TGFBR3: variants seen among roughly 807,000 people sequenced by gnomAD.
The protein encoded by TGFBR3 is transforming growth factor beta receptor type 3.
A neutral mutation model predicts 87.9 loss-of-function variants in TGFBR3; 46 were observed. That is an observed-to-expected ratio of 0.52 (90% CI 0.41 to 0.67). TGFBR3 has a LOEUF of 0.67. TGFBR3 is among the 30% of genes least tolerant of loss of function. The pLI, the probability that TGFBR3 is intolerant of heterozygous loss-of-function variation, is 0.00. For missense variants in TGFBR3, 866 were observed against 1,041.9 expected, an observed-to-expected ratio of 0.83 and a Z score of 2.32; for synonymous variants, 381 against 391.6, an observed-to-expected ratio of 0.97 and a Z score of 0.32.
intron 2 of TGFBR3, among the ~76,000 whole-genome samples, chr1:91,854,553 A>G (rs1677866040): frequency 6.6e-6 from 1 of 152,188 alleles, no homozygotes; most frequent in Non-Finnish European, 1.5e-5. Context: ...AAATGTGAAA[A>G]AAAATAATAT....
chr1:91,794,673 A>C (rs917307661), intron 3 of TGFBR3, among the ~76,000 whole-genome samples: 1 of 151,944 alleles, frequency 6.6e-6, no homozygotes, highest in Non-Finnish European at 1.5e-5. Context: ...GTCTTTTTTC[A>C]TTTAGTGGAT....
intron 1 of TGFBR3, among the ~76,000 whole-genome samples, chr1:91,903,338 C>CAAAAAAA (rs58672104): frequency 0.11 from 5,533 of 50,432 alleles, 1,193 homozygotes; most frequent in Non-Finnish European, 0.15. Flanking sequence ...GATTCTGCCT[C>CAAAAAAA]AAAAAAAAAA....
At chr1:91,863,837 T>C (rs1041483556) in intron 1 of TGFBR3, 1 of 152,232 alleles carries the variant, frequency 6.6e-6, no homozygotes, top group Admixed American at 6.5e-5. Context: ...ATTATCCCTC[T>C]AAGTCGAACA....
chr1:91,773,692 A>G (rs900425092), intron 3 of TGFBR3, among the ~76,000 whole-genome samples: 2 of 152,240 alleles, frequency 1.3e-5, no homozygotes, highest in Non-Finnish European at 2.9e-5. Flanking sequence ...AAAAAACAAA[A>G]GATCTCTAGA....
At chr1:91,883,919 G>T (rs1679193367) in intron 1 of TGFBR3, among the ~76,000 whole-genome samples, 1 of 152,082 alleles carries the variant, frequency 6.6e-6, no homozygotes, top group South Asian at 2.1e-4. Flanking sequence ...CCCTTAAGGG[G>T]GTAAGAATTA....
chr1:91,861,896 G>A (rs967965643), intron 1 of TGFBR3: 25 of 291,830 alleles, frequency 8.6e-5, no homozygotes, highest in African/African-American at 2.6e-4. Flanking sequence ...TCTCTCTGTC[G>A]CCAAGCTGGA....
intron 1 of TGFBR3, among the ~76,000 whole-genome samples, chr1:91,873,529 G>A (rs1337264400): frequency 1.3e-5 from 2 of 151,654 alleles, no homozygotes; most frequent in African/African-American, 2.4e-5. Context: ...TCAAGTGACA[G>A]GAGTCCTCGA....
chr1:91,819,677 C>T (rs961560509), intron 2 of TGFBR3, among the ~76,000 whole-genome samples: 1 of 152,168 alleles, frequency 6.6e-6, no homozygotes, highest in African/African-American at 2.4e-5. Flanking sequence ...AGCATAGCCA[C>T]TATCCTGAAG....
At chr1:91,898,427 T>C (rs1407766687) in intron 2 of TGFBR3, among the ~76,000 whole-genome samples, 2 of 151,872 alleles carry the variant, frequency 1.3e-5, no homozygotes, top group Non-Finnish European at 2.9e-5. Flanking sequence ...TTCAACAGTA[T>C]GTTTTTTTTG....
At chr1:91,892,096 A>G (rs1679463403) in intron 2 of TGFBR3, among the ~76,000 whole-genome samples, 1 of 152,226 alleles carries the variant, frequency 6.6e-6, no homozygotes, top group African/African-American at 2.4e-5. Context: ...AAGTTCCTGC[A>G]AACTCACCAT....
chr1:91,720,119 C>T lies in TGFBR3; in HGVS notation c.1187G>A (p.Gly396Asp). 1 of 1,614,082 alleles carries T rather than the reference C, an allele frequency of 6.2e-7. No homozygotes were observed. The highest frequency in any genetic ancestry group is 8.5e-7 in the Non-Finnish European group (1 of 1,180,010). Residue 396 changes from glycine (G) to aspartate (D), a missense_variant, in exon 9 of 17, where the codon GGC becomes GAC. Gly to Asp is a moderately conservative substitution (Grantham distance 94). Coordinates refer to ENST00000212355, the MANE Select transcript of TGFBR3 (RefSeq NM_003243.5). ...LQNPPIRGGE[G>D]QNGGLPFPFP... ...AGGAAACGGAAGGCCTCCATTTTGG[C>T]CTTCCCCTCCCCGGATGGGCGGGTT...
At chr1:91,836,411 T>C (rs970302627) in intron 2 of TGFBR3, among the ~76,000 whole-genome samples, 4 of 124,898 alleles carry the variant, frequency 3.2e-5, no homozygotes, top group Non-Finnish European at 6.5e-5. Context: ...GGATATTATC[T>C]CCATTTTACA....
chr1:91,831,838 A>G (rs1261816298), intron 2 of TGFBR3, among the ~76,000 whole-genome samples: 1 of 152,272 alleles, frequency 6.6e-6, no homozygotes, highest in Admixed American at 6.5e-5. Context: ...TGTGAAATAT[A>G]ATAGCCAACA....
intron 16 of TGFBR3, among the ~76,000 whole-genome samples, chr1:91,685,216 T>C (rs1385853804): frequency 6.6e-6 from 1 of 152,140 alleles, no homozygotes; most frequent in Non-Finnish European, 1.5e-5. Flanking sequence ...GTTGTAAGTT[T>C]GGCCCTTGTT....
chr1:91,837,631 T>C (rs1193867003), intron 2 of TGFBR3, among the ~76,000 whole-genome samples: 1 of 152,240 alleles, frequency 6.6e-6, no homozygotes, highest in East Asian at 1.9e-4. Flanking sequence ...ATTTAAATGA[T>C]TTATGTAAAT....
At chr1:91,740,843 T>C (rs914641348) in intron 4 of TGFBR3, among the ~76,000 whole-genome samples, 1 of 152,090 alleles carries the variant, frequency 6.6e-6, no homozygotes, top group Non-Finnish European at 1.5e-5. Flanking sequence ...TAGAAGAACA[T>C]AGGATATAAA....
chr1:91,734,672 A>G lies in TGFBR3; in HGVS notation c.568+104T>C. ...ACCCCTCAGGTCCCTTCCAGGTCCA[A>G]CATTCTGTAATTCTGTGATTCCTTG... On this transcript the variant is annotated intron_variant, in intron 5 of 16. Transcript: ENST00000212355. 7 of 1,439,206 alleles carry G rather than the reference A, an allele frequency of 4.9e-6. No homozygotes were observed. In the Middle Eastern group the frequency reaches 6.1e-4, roughly 126 times the overall value. 89.2% of individuals were successfully genotyped at this position (1,439,206 alleles called of 1,614,324 possible). A position where few individuals can be genotyped will look rare whatever the true frequency, so the allele number is the denominator to read the frequency against.
intron 16 of TGFBR3, among the ~76,000 whole-genome samples, chr1:91,689,614 G>A (rs1416867817): frequency 6.6e-6 from 1 of 152,116 alleles, no homozygotes; most frequent in African/African-American, 2.4e-5. Flanking sequence ...ATAAGCAGAA[G>A]GAGGATAAAA....
intron 3 of TGFBR3, chr1:91,783,229 A>G (rs1674838535): frequency 6.6e-6 from 1 of 152,030 alleles, no homozygotes; most frequent in Admixed American, 6.5e-5. Flanking sequence ...CTCATCCTCC[A>G]AGAGTTGTAC....
Sources: allele counts gnomAD v4.1 joint callset (sites outside exome capture counted in the v4.1 genomes callset), GRCh38; gene constraint gnomAD v4.1.1; transcripts MANE v1.5; gene names NCBI Gene and HGNC (gene_info 2026-07-23, HGNC 2026-07-21).